Variants in AASS observed in about 807,000 individuals in gnomAD.
The protein encoded by AASS is alpha-aminoadipic semialdehyde synthase, mitochondrial.
AASS carries 86 observed loss-of-function variants against 105.4 expected under a neutral mutation model. That is an observed-to-expected ratio of 0.82 (90% confidence interval 0.69 to 0.98). AASS has a LOEUF of 0.98. Ranked by LOEUF, AASS falls within the 50% of genes least tolerant of loss-of-function variation. The pLI, the probability that AASS is intolerant of heterozygous loss-of-function variation, is 0.00. For synonymous variants in AASS, 381 were observed against 394.8 expected (o/e 0.96, Z 0.41); for missense variants, 1,048 against 1,143.2 (o/e 0.92, Z 1.20).
chr7:122,132,001 CA>C (rs1795939326), intron 2 of AASS, among the ~76,000 whole-genome samples: 1 of 151,952 alleles, frequency 6.6e-6, no homozygotes, highest in South Asian at 2.1e-4. Flanking sequence ...AAAATATACT[CA>C]AAAAAGCAAA....
chr7:122,135,033 C>T (rs1796080234), intron 1 of AASS, among the ~76,000 whole-genome samples: 2 of 152,016 alleles, frequency 1.3e-5, no homozygotes, highest in South Asian at 4.1e-4. Context: ...GACAGAACAC[C>T]AAACACCTTA....
intron 11 of AASS, among the ~76,000 whole-genome samples, chr7:122,110,885 C>A (rs1794900953): frequency 6.6e-6 from 1 of 151,972 alleles, no homozygotes; most frequent in Non-Finnish European, 1.5e-5. Context: ...GGTTAACATA[C>A]AACCAAGTTG....
chr7:122,131,572 C>T (rs1795918800), intron 2 of AASS, among the ~76,000 whole-genome samples: 1 of 151,692 alleles, frequency 6.6e-6, no homozygotes, highest in Non-Finnish European at 1.5e-5. Flanking sequence ...ATTAATTTTT[C>T]CTCTGGAGGT....
At chr7:122,091,040 C>G (rs576331517) in intron 18 of AASS, among the ~76,000 whole-genome samples, 1 of 152,058 alleles carries the variant, frequency 6.6e-6, no homozygotes, top group Non-Finnish European at 1.5e-5. Context: ...ATTATAATTA[C>G]TTATTCCCAT....
Position 122,118,398 on chromosome 7 carries a change from C to T in AASS, c.596G>A (p.Arg199His), listed in dbSNP as rs202056678. Residue 199 changes from arginine to histidine, a missense_variant, in exon 6 of 24, where the codon CGT becomes CAT. Arg to His is a conservative substitution (Grantham distance 29). Coordinates refer to ENST00000417368, the MANE Select transcript of AASS (RefSeq NM_005763.4). ...RNSSQAVQAV[R>H]DAGYEISLGL... ...CAAAGATATTTCATAGCCAGCATCACGGACAGCTTGCACAGCCTGACTGCT... is the reference window on the plus strand; with the variant it reads ...CAAAGATATTTCATAGCCAGCATCATGGACAGCTTGCACAGCCTGACTGCT... 5.3e-5 allele frequency: 86 copies of T among 1,614,030 alleles called. No individual in the cohort carries two copies. Among genetic ancestry groups the T allele is most frequent in the Non-Finnish European group, 6.7e-5 (79 of 1,180,026 alleles).
At chr7:122,129,668 T>C in intron 2 of AASS, 131 bp from the exon 3 acceptor site, 2 of 775,460 alleles carry the variant, frequency 2.6e-6, no homozygotes, top group South Asian at 3.3e-5. Context: ...GAACAAATAA[T>C]AGAACAACTA....
At chr7:122,125,081 G>A (rs1430886571) in intron 4 of AASS, among the ~76,000 whole-genome samples, 1 of 151,860 alleles carries the variant, frequency 6.6e-6, no homozygotes, top group African/African-American at 2.4e-5. Context: ...CACCACCAAC[G>A]GCTAATTTTT....
At chr7:122,102,529 T>C (rs1356632706) in intron 11 of AASS, among the ~76,000 whole-genome samples, 1 of 151,974 alleles carries the variant, frequency 6.6e-6, no homozygotes, top group African/African-American at 2.4e-5. Flanking sequence ...GATCTAGCTC[T>C]CTCACCCAAC....
In AASS at chr7:122,077,904, C is replaced by T. The variant is rs752702037; in HGVS notation, c.2596G>A (p.Gly866Ser). The change falls in exon 23 of 24, where the codon GGC becomes AGC. Residue 866 changes from glycine (G) to serine (S), a missense_variant. Gly to Ser is a moderately conservative substitution (Grantham distance 56). Transcript: ENST00000417368. The stretch of plus-strand genomic sequence containing the variant: ...ACGGTTTTAGCCATGGCTGAAAAGC[C>T]ATTGATGTCCCCATAAGCCACAAGA... ...IDLVAYGDINGFSAMAKTVGL... is the reference protein window; with the variant it reads ...IDLVAYGDINSFSAMAKTVGL... 1 of 1,614,086 alleles carries T rather than the reference C, an allele frequency of 6.2e-7. No individual in the cohort carries two copies. The highest frequency in any genetic ancestry group is 8.5e-7 in the Non-Finnish European group (1 of 1,180,050).
chr7:122,133,681 G>A lies in AASS; in HGVS notation c.46C>T (p.Leu16Phe), dbSNP rs755507978. 2.5e-6 allele frequency: 4 copies of A among 1,614,020 alleles called. No homozygotes were observed. The highest frequency in any genetic ancestry group is 1.3e-5 in the African/African-American group (1 of 74,898). ...GCTTTGTGGTGAAGACCCTTGGAGA[G>A]GCTGACCCCCAGCCTGCCCAGTCCA... Reference protein sequence around the residue: ...RTGLGRLGVSLSKGLHHKAVL... With the variant: ...RTGLGRLGVSFSKGLHHKAVL... Residue 16 changes from leucine (L) to phenylalanine (F), a missense_variant, in exon 2 of 24, where the codon CTC becomes TTC. Physicochemically the swap from Leu to Phe is conservative, Grantham distance 22. Coordinates refer to ENST00000417368, the MANE Select transcript of AASS (RefSeq NM_005763.4).
At position 122,091,986 on chromosome 7, in the gene AASS, C is replaced by T. The variant is rs1793924972; in HGVS notation, c.1876-143G>A. ...GTTACTAAGGCATTCAAAAATACAT[C>T]TTCAAAGCATGTACCATTTGATTAA... On this transcript the variant is annotated intron_variant, in intron 17 of 23. Transcript: ENST00000417368. The T allele has an allele frequency of 6.4e-6, 4 of 628,486 alleles. No homozygotes were observed. The South Asian group carries it at 7.8e-5, about 12-fold the overall frequency. The allele number at this position is 628,486 out of a possible 1,614,324, so 38.9% of individuals were successfully genotyped here. A position where few individuals can be genotyped will look rare whatever the true frequency, so the allele number is the denominator to read the frequency against.
At chr7:122,082,934 A>T in intron 19 of AASS, 1 of 1,145,630 alleles carries the variant, frequency 8.7e-7, no homozygotes, top group Non-Finnish European at 1.2e-6. Context: ...TCTGAATAAT[A>T]GATGAAGTGA....
intron 18 of AASS, 105 bp from the exon 19 acceptor site, chr7:122,086,284 AAT>A: frequency 3.5e-6 from 4 of 1,132,274 alleles, no homozygotes; most frequent in Non-Finnish European, 5.1e-6. Flanking sequence ...TGAAAAAAAA[AAT>A]AAAAATAATG....
intron 11 of AASS, among the ~76,000 whole-genome samples, chr7:122,109,380 C>A (rs1794825805): frequency 6.6e-6 from 1 of 152,014 alleles, no homozygotes; most frequent in South Asian, 2.1e-4. Flanking sequence ...GGAGGCATCA[C>A]ACTACCTGAC....
At chr7:122,090,884 C>A (rs1206267731) in intron 18 of AASS, among the ~76,000 whole-genome samples, 11 of 152,126 alleles carry the variant, frequency 7.2e-5, no homozygotes, top group African/African-American at 2.4e-4. Flanking sequence ...ACCCTCATAT[C>A]CTTCAAGGCC....
intron 15 of AASS, among the ~76,000 whole-genome samples, chr7:122,093,912 AAAG>A (rs1459969472): frequency 7.2e-5 from 11 of 152,208 alleles, no homozygotes; most frequent in African/African-American, 2.7e-4. Context: ...TAGCCATAAA[AAAG>A]AATGAAATAG....
chr7:122,133,896 T>C, intron 1 of AASS, 155 bp from the exon 2 acceptor site: 2 of 709,336 alleles, frequency 2.8e-6, no homozygotes, highest in East Asian at 2.6e-5. Flanking sequence ...ATGTCAAGTG[T>C]TCCTTTAAAG....
At chr7:122,114,942 G>A in intron 9 of AASS, 132 bp downstream of exon 9, 1 of 1,224,632 alleles carries the variant, frequency 8.2e-7, no homozygotes, top group Non-Finnish European at 1.2e-6. Flanking sequence ...GTTGAGTACT[G>A]CCAAGAGGTC....
chr7:122,103,949 C>T (rs1794547847), intron 11 of AASS, among the ~76,000 whole-genome samples: 1 of 151,642 alleles, frequency 6.6e-6, no homozygotes, highest in African/African-American at 2.4e-5. Context: ...AAGCAGAATA[C>T]TAAAGCAGAT....
Sources: gnomAD v4.1 joint callset for allele counts (sites outside exome capture counted in the v4.1 genomes callset) on GRCh38, gnomAD v4.1.1 for gene constraint, MANE v1.5 for transcripts, NCBI Gene and HGNC (gene_info 2026-07-23, HGNC 2026-07-21) for gene names.